PTPRZ1: variants seen among roughly 807,000 people sequenced by gnomAD.
PTPRZ1 encodes the protein protein tyrosine phosphatase receptor type Z1.
In PTPRZ1, 82 loss-of-function variants were observed where a neutral mutation model predicts 214.1. The ratio of observed to expected loss-of-function variants is 0.38; its 90% confidence interval spans 0.32 to 0.46. The LOEUF (loss-of-function observed/expected upper bound fraction) is 0.46, where lower values mean the gene tolerates loss of function less well. Ranked by LOEUF, PTPRZ1 falls within the 20% of genes least tolerant of loss-of-function variation. The pLI is 1.00. For synonymous variants in PTPRZ1, 945 were observed against 987.9 expected (o/e 0.96, Z 0.81); for missense variants, 2,603 against 2,748.7 (o/e 0.95, Z 1.19).
chr7:122,056,924 T>G (rs181780871), intron 27 of PTPRZ1, among the ~76,000 whole-genome samples: 112 of 152,136 alleles, frequency 7.4e-4, no homozygotes, highest in African/African-American at 2.2e-3. Context: ...ATGTGTATTA[T>G]GCTACTCAGA....
At chr7:121,989,381 T>TG (rs1327804239) in intron 8 of PTPRZ1, among the ~76,000 whole-genome samples, 1 of 151,466 alleles carries the variant, frequency 6.6e-6, no homozygotes, top group Non-Finnish European at 1.5e-5. Context: ...GAAAGTTTTT[T>TG]TTTTTTTTTT....
At chr7:121,959,138 T>C (rs749266291) in intron 2 of PTPRZ1, among the ~76,000 whole-genome samples, 2 of 152,162 alleles carry the variant, frequency 1.3e-5, no homozygotes, top group Non-Finnish European at 2.9e-5. Context: ...TTAATGACTT[T>C]CTTAAATATC....
intron 2 of PTPRZ1, among the ~76,000 whole-genome samples, chr7:121,957,190 C>T (rs1375094549): frequency 6.6e-6 from 1 of 152,084 alleles, no homozygotes; most frequent in Non-Finnish European, 1.5e-5. Context: ...CTTTGCAGGG[C>T]CTTTTTAGGC....
intron 6 of PTPRZ1, among the ~76,000 whole-genome samples, chr7:121,982,043 C>G (rs190748378): frequency 6.2e-4 from 94 of 152,218 alleles, no homozygotes; most frequent in Non-Finnish European, 9.7e-4. Flanking sequence ...TCATTTAAAT[C>G]TGCAATCAGT....
chr7:121,878,359 A>G (rs1455060486), intron 1 of PTPRZ1, among the ~76,000 whole-genome samples: 1 of 152,228 alleles, frequency 6.6e-6, no homozygotes, highest in African/African-American at 2.4e-5. Flanking sequence ...CAACAACAAA[A>G]AACGCTGGTA....
intron 1 of PTPRZ1, among the ~76,000 whole-genome samples, chr7:121,917,545 A>G (rs1795461796): frequency 2.0e-5 from 3 of 152,242 alleles, no homozygotes; most frequent in Non-Finnish European, 4.4e-5. Context: ...TATTGAAAGA[A>G]AAAACCCAAA....
Position 122,011,608 on chromosome 7 carries a change from G to A in PTPRZ1, c.2562G>A (p.Val854=), listed in dbSNP as rs1798666684. The A allele has an allele frequency of 6.2e-7, 1 of 1,614,024 alleles. No individual in the cohort carries two copies. The highest frequency in any genetic ancestry group is 8.5e-7 in the Non-Finnish European group (1 of 1,179,978). ...CTTCAGCTACCGAGAGTGATAAGGTGCCCTTGCATGCTTCTCTGCCAGTGG... is the reference window on the plus strand; with the variant it reads ...CTTCAGCTACCGAGAGTGATAAGGTACCCTTGCATGCTTCTCTGCCAGTGG... ...QVTSATESDK[V]PLHASLPVAG... is the part of the protein sequence containing the mutation. Residue 854 remains valine (V), a synonymous_variant, in exon 12 of 30, where the codon GTG becomes GTA. Coordinates refer to ENST00000393386, the MANE Select transcript of PTPRZ1 (RefSeq NM_002851.3).
chr7:121,976,108 A>T, intron 4 of PTPRZ1, 65 bp from the exon 5 acceptor site: 1 of 1,105,026 alleles, frequency 9.0e-7, no homozygotes, highest in Non-Finnish European at 1.3e-6. Flanking sequence ...TAGAATGTAG[A>T]ATTCTCTTTG....
chr7:121,952,240 G>T (rs1323637966), intron 2 of PTPRZ1, among the ~76,000 whole-genome samples: 2 of 149,930 alleles, frequency 1.3e-5, no homozygotes, highest in Non-Finnish European at 3.0e-5. Context: ...TTACAGGCGT[G>T]AGTCACCGCG....
In PTPRZ1 at chr7:122,058,888, G is replaced by A. The variant is rs1792468096; in HGVS notation, c.6617G>A (p.Ser2206Asn). Residue 2206 changes from serine to asparagine, a missense_variant, in exon 28 of 30, where the codon AGT becomes AAT. Physicochemically the swap from Ser to Asn is conservative, Grantham distance 46 (BLOSUM62 1). Coordinates refer to ENST00000393386, the MANE Select transcript of PTPRZ1 (RefSeq NM_002851.3). ...SPISKTFELI[S>N]VIKEEAANRD... ...ATTAGTAAAACTTTTGAACTTATAA[G>A]TGTTATAAAAGAAGAAGCTGCCAAT... 5.6e-6 allele frequency: 9 copies of A among 1,593,100 alleles called. No homozygotes were observed. The highest frequency in any genetic ancestry group is 7.8e-6 in the Non-Finnish European group (9 of 1,161,216).
intron 2 of PTPRZ1, among the ~76,000 whole-genome samples, chr7:121,946,453 A>G (rs888852485): frequency 2.0e-5 from 3 of 152,186 alleles, no homozygotes; most frequent in Admixed American, 6.5e-5. Context: ...AACAGTTGTC[A>G]TCACTCTTAA....
At chr7:121,905,917 C>A (rs1243594243) in intron 1 of PTPRZ1, among the ~76,000 whole-genome samples, 2 of 152,112 alleles carry the variant, frequency 1.3e-5, no homozygotes, top group African/African-American at 4.8e-5. Context: ...TTACAAGAGG[C>A]ACTGATGATA....
Position 121,984,047 on chromosome 7 carries a change from A to G in PTPRZ1, c.858A>G (p.Arg286=). ...TGGACTACTTACAAAACAATTTTCG[A>G]GAGCAACAGTACAAGTTCTCTAGAC... is the stretch of plus-strand genomic sequence containing the variant. ...MLMDYLQNNF[R]EQQYKFSRQV... Residue 286 remains arginine, a synonymous_variant, in exon 8 of 30, where the codon CGA becomes CGG. Transcript: ENST00000393386. 6.2e-7 allele frequency: 1 copy of G among 1,613,682 alleles called. No individual in the cohort carries two copies. Among genetic ancestry groups the G allele is most frequent in the Non-Finnish European group, 8.5e-7 (1 of 1,179,730 alleles).
chr7:121,974,360 A>C (rs1232041293), intron 4 of PTPRZ1, among the ~76,000 whole-genome samples: 2 of 152,196 alleles, frequency 1.3e-5, no homozygotes, highest in East Asian at 3.9e-4. Context: ...AGTTCAAGAA[A>C]AATTCTATCA....
At chr7:121,982,953 A>G (rs1797657460) in intron 6 of PTPRZ1, among the ~76,000 whole-genome samples, 1 of 151,864 alleles carries the variant, frequency 6.6e-6, no homozygotes. Flanking sequence ...AATTTTTTGT[A>G]TTTTTAGCAG....
chr7:121,875,169 C>CA (rs1248817624), intron 1 of PTPRZ1, among the ~76,000 whole-genome samples: 1 of 152,086 alleles, frequency 6.6e-6, no homozygotes, highest in African/African-American at 2.4e-5. Context: ...TTAATGACCC[C>CA]AAAAAGAAAC....
intron 13 of PTPRZ1, among the ~76,000 whole-genome samples, chr7:122,023,489 A>T (rs1008328063): frequency 7.4e-6 from 1 of 135,152 alleles, no homozygotes; most frequent in Non-Finnish European, 1.5e-5. Flanking sequence ...ATAATTTTAT[A>T]TATAATTATA....
chr7:121,937,621 T>G (rs1478569812), intron 2 of PTPRZ1, among the ~76,000 whole-genome samples: 1 of 152,024 alleles, frequency 6.6e-6, no homozygotes, highest in Non-Finnish European at 1.5e-5. Context: ...TCAGTCCAAT[T>G]AAACAGGCAC....
intron 11 of PTPRZ1, among the ~76,000 whole-genome samples, chr7:122,005,870 A>G (rs1318608945): frequency 1.3e-5 from 2 of 151,990 alleles, no homozygotes; most frequent in East Asian, 1.9e-4. Context: ...GGAACAATCA[A>G]TTATTTTTCA....
Sources: gnomAD v4.1 joint callset for allele counts (sites outside exome capture counted in the v4.1 genomes callset) on GRCh38, gnomAD v4.1.1 for gene constraint, MANE v1.5 for transcripts, NCBI Gene and HGNC (gene_info 2026-07-23, HGNC 2026-07-21) for gene names.